The following LRP1B variants were observed in gnomAD, a reference collection of about 807,000 sequenced individuals.
LRP1B encodes the protein LDL receptor related protein 1B.
LRP1B carries 217 observed loss-of-function variants against 556.6 expected under a neutral mutation model. The observed-to-expected ratio is 0.39, with a 90% CI of 0.35 to 0.44. The LOEUF (loss-of-function observed/expected upper bound fraction) is 0.44, where lower values mean the gene tolerates loss of function less well. LRP1B is among the 20% of genes least tolerant of loss of function. The pLI, the probability that LRP1B is intolerant of heterozygous loss-of-function variation, is 1.00. For synonymous variants in LRP1B, 2,047 were observed against 1,865.8 expected, an observed-to-expected ratio of 1.10 and a Z score of -2.50; for missense variants, 5,053 against 5,620.8, an observed-to-expected ratio of 0.90 and a Z score of 3.23.
At chr2:141,945,053 T>C (rs907750165) in intron 1 of LRP1B, among the ~76,000 whole-genome samples, 1 of 152,240 alleles carries the variant, frequency 6.6e-6, no homozygotes, top group Non-Finnish European at 1.5e-5. Context: ...TTTTTAGTTA[T>C]ATTTTTGTTG....
intron 35 of LRP1B, among the ~76,000 whole-genome samples, chr2:140,748,478 A>T (rs1156277116): frequency 1.0e-5 from 1 of 98,964 alleles, no homozygotes; most frequent in African/African-American, 3.7e-5. Flanking sequence ...GACTTAAAAA[A>T]TTCCTAGCAA....
intron 1 of LRP1B, among the ~76,000 whole-genome samples, chr2:141,881,664 GA>G (rs566539215): frequency 6.7e-5 from 10 of 149,460 alleles, no homozygotes; most frequent in African/African-American, 9.8e-5. Context: ...ATTATTAGGT[GA>G]AAAAAAAACA....
Position 140,444,636 on chromosome 2 carries a change from T to C in LRP1B, c.10101A>G (p.Gly3367=). The C allele has an allele frequency of 6.2e-7, 1 of 1,613,852 alleles. No individual in the cohort carries two copies. The highest frequency in any genetic ancestry group is 8.5e-7 in the Non-Finnish European group (1 of 1,179,900). ...AGATGAAAGCTGGTAGAGCACAGAGTCCAGTCCCACACTGAAATCGGCCTG... is the reference window on the plus strand; with the variant it reads ...AGATGAAAGCTGGTAGAGCACAGAGCCCAGTCCCACACTGAAATCGGCCTG... ...CQPGRFQCGT[G]LCALPAFICD... The change falls in exon 64 of 91, where the codon GGA becomes GGG. Residue 3367 remains glycine (G), a synonymous_variant. Transcript: ENST00000389484.
intron 1 of LRP1B, among the ~76,000 whole-genome samples, chr2:141,819,171 G>A (rs1273572800): frequency 6.6e-6 from 1 of 151,794 alleles, no homozygotes; most frequent in Non-Finnish European, 1.5e-5. Flanking sequence ...CCGGGAGGCG[G>A]AGGTTGCAGT....
intron 7 of LRP1B, among the ~76,000 whole-genome samples, chr2:141,135,021 T>C (rs964734427): frequency 6.6e-6 from 1 of 151,836 alleles, no homozygotes; most frequent in Non-Finnish European, 1.5e-5. Flanking sequence ...TCAATATGCA[T>C]GTGATGCTTC....
At chr2:142,074,080 T>A (rs1705415706) in intron 1 of LRP1B, among the ~76,000 whole-genome samples, 1 of 152,106 alleles carries the variant, frequency 6.6e-6, no homozygotes, top group South Asian at 2.1e-4. Context: ...CACTCTCCTG[T>A]ACCTTTCCTT....
In LRP1B at chr2:140,916,643, G is replaced by A. The variant is rs577195171; in HGVS notation, c.3319+6322C>T. ...CCAATGGAATCTAGAGGGGAAGGTAGATGAGTCAGCACCAAACTATCACAA... is the reference window on the plus strand; with the variant it reads ...CCAATGGAATCTAGAGGGGAAGGTAAATGAGTCAGCACCAAACTATCACAA... On this transcript the variant is annotated intron_variant, in intron 21 of 90. Coordinates refer to ENST00000389484, the MANE Select transcript of LRP1B (RefSeq NM_018557.3). 3.3e-5 allele frequency among the ~76,000 whole-genome samples: 5 copies of A among 152,258 alleles called. No individual in the cohort carries two copies. The South Asian group carries it at 1.0e-3, about 32-fold the overall frequency.
intron 7 of LRP1B, among the ~76,000 whole-genome samples, chr2:141,103,594 C>T (rs1700522223): frequency 6.7e-6 from 1 of 149,712 alleles, no homozygotes; most frequent in Non-Finnish European, 1.5e-5. Context: ...AAGAAATGTG[C>T]ACCTATTTAC....
chr2:141,919,617 A>C (rs187159850), intron 1 of LRP1B, among the ~76,000 whole-genome samples: 1 of 152,158 alleles, frequency 6.6e-6, no homozygotes, highest in African/African-American at 2.4e-5. Context: ...CAAATGAATG[A>C]AAATTATGAA....
At chr2:141,567,480 G>A (rs1046878047) in intron 2 of LRP1B, among the ~76,000 whole-genome samples, 1 of 151,922 alleles carries the variant, frequency 6.6e-6, no homozygotes, top group African/African-American at 2.4e-5. Context: ...TTCTTTTTAC[G>A]TAGGTTTCCT....
chr2:141,722,995 A>G (rs1291037349), intron 2 of LRP1B, among the ~76,000 whole-genome samples: 1 of 152,224 alleles, frequency 6.6e-6, no homozygotes, highest in East Asian at 1.9e-4. Context: ...CAGTATGAAT[A>G]GTACTGTAAT....
In LRP1B at chr2:140,653,173, T is replaced by C. The variant is rs558223216; in HGVS notation, c.6799+47077A>G. Among the ~76,000 whole-genome samples, 4 of 152,158 alleles carry C rather than the reference T, an allele frequency of 2.6e-5. No homozygotes were observed. The East Asian group carries it at 5.8e-4, about 22-fold the overall frequency. Reference sequence around the variant, plus strand: ...AAAAGAGTCCTAAGAAATTAAAATATAGTGGCAGAAAGTTCAAAATCAATA... The same window carrying C: ...AAAAGAGTCCTAAGAAATTAAAATACAGTGGCAGAAAGTTCAAAATCAATA... On this transcript the variant is annotated intron_variant, in intron 41 of 90. Transcript: ENST00000389484.
In LRP1B at chr2:141,768,509, C is replaced by T. The variant is rs908592060; in HGVS notation, c.205+41770G>A. On this transcript the variant is annotated intron_variant, in intron 2 of 90. Coordinates refer to ENST00000389484, the MANE Select transcript of LRP1B (RefSeq NM_018557.3). ...AGGTCATATTTTTATTAGTTGATTTCCCAGTGGTTGGGAAATAAGGAGAAT... is the reference window on the plus strand; with the variant it reads ...AGGTCATATTTTTATTAGTTGATTTTCCAGTGGTTGGGAAATAAGGAGAAT... Among the ~76,000 whole-genome samples, 4 of 151,870 alleles carry T rather than the reference C, an allele frequency of 2.6e-5. No homozygotes were observed. The East Asian group carries it at 5.8e-4, about 22-fold the overall frequency.
chr2:140,465,491 A>G (rs1327447084), intron 60 of LRP1B, among the ~76,000 whole-genome samples: 1 of 152,222 alleles, frequency 6.6e-6, no homozygotes, highest in African/African-American at 2.4e-5. Context: ...TAGAAGCCCT[A>G]TTCTATGAAT....
chr2:141,392,480 A>AG (rs61211438), intron 3 of LRP1B, among the ~76,000 whole-genome samples: 1,606 of 134,428 alleles, frequency 0.012, 29 homozygotes, highest in African/African-American at 0.046. Flanking sequence ...AAAAAAAAAA[A>AG]AGAGAGACTG....
intron 2 of LRP1B, among the ~76,000 whole-genome samples, chr2:141,721,428 G>A (rs565878383): frequency 9.2e-5 from 14 of 152,236 alleles, no homozygotes; most frequent in African/African-American, 3.4e-4. Flanking sequence ...CAAGCAGATT[G>A]TAAAAAGCCC....
chr2:140,865,143 G>T (rs989740432), intron 27 of LRP1B, among the ~76,000 whole-genome samples: 2 of 151,896 alleles, frequency 1.3e-5, no homozygotes, highest in African/African-American at 4.8e-5. Flanking sequence ...AAAAACCAAA[G>T]AGATCTAAAA....
chr2:141,027,935 C>A (rs1698261459), intron 11 of LRP1B, among the ~76,000 whole-genome samples: 1 of 152,024 alleles, frequency 6.6e-6, no homozygotes, highest in Non-Finnish European at 1.5e-5. Context: ...CATGCTCGCA[C>A]CCTGATCTCA....
intron 41 of LRP1B, among the ~76,000 whole-genome samples, chr2:140,695,111 C>T (rs1686382716): frequency 6.6e-6 from 1 of 151,008 alleles, no homozygotes; most frequent in African/African-American, 2.4e-5. Flanking sequence ...TCTTAAGAAT[C>T]CATGTGTTGT....
Sources: allele counts gnomAD v4.1 joint callset (sites outside exome capture counted in the v4.1 genomes callset), GRCh38; gene constraint gnomAD v4.1.1; transcripts MANE v1.5; gene names NCBI Gene and HGNC (gene_info 2026-07-23, HGNC 2026-07-21).